Variants in SHISA6 observed in about 807,000 individuals in gnomAD.
SHISA6 encodes protein shisa-6.
SHISA6 carries 22 observed loss-of-function variants against 47.9 expected under a neutral mutation model. That is an observed-to-expected ratio of 0.46 (90% CI 0.33 to 0.66). The LOEUF is 0.66. SHISA6 is among the 30% of genes least tolerant of loss of function. The pLI, the probability that SHISA6 is intolerant of heterozygous loss-of-function variation, is 0.02. For missense variants in SHISA6, 680 were observed against 764.6 expected (o/e 0.89, Z 1.30); for synonymous variants, 388 against 337.8 (o/e 1.15, Z -1.63).
In SHISA6 at chr17:11,409,985, A is replaced by G. The variant is rs75101165; in HGVS notation, c.895+30476A>G. Among the ~76,000 whole-genome samples the G allele has an allele frequency of 9.5e-4, 145 of 152,296 alleles. No individual in the cohort carries two copies. In the East Asian group the frequency reaches 0.027, roughly 29 times the overall value. The stretch of plus-strand genomic sequence containing the variant: ...AAGGTTATATGGAGATGAAAAGAAA[A>G]TGGTAAGAGTCATAGGCTCACAGAA... On this transcript the variant is annotated intron_variant, in intron 3 of 5. Coordinates refer to ENST00000441885, the MANE Select transcript of SHISA6 (RefSeq NM_207386.4).
At chr17:11,440,199 T>G (rs1198802823) in intron 3 of SHISA6, among the ~76,000 whole-genome samples, 1 of 152,176 alleles carries the variant, frequency 6.6e-6, no homozygotes, top group Admixed American at 6.5e-5. Flanking sequence ...TGTTAGAGGC[T>G]GTGGGAAATG....
At chr17:11,374,148 A>C (rs76836912) in intron 2 of SHISA6, among the ~76,000 whole-genome samples, 4 of 152,028 alleles carry the variant, frequency 2.6e-5, no homozygotes, top group Non-Finnish European at 4.4e-5. Flanking sequence ...TACTTGTGAG[A>C]TTGAACACTA....
chr17:11,314,234 G>A (rs985804783), intron 2 of SHISA6, among the ~76,000 whole-genome samples: 5 of 152,094 alleles, frequency 3.3e-5, no homozygotes, highest in Admixed American at 2.0e-4. Flanking sequence ...ATGATTCAAA[G>A]TATTAACATT....
chr17:11,473,294 T>C (rs1316703155), intron 3 of SHISA6, among the ~76,000 whole-genome samples: 1 of 152,168 alleles, frequency 6.6e-6, no homozygotes, highest in East Asian at 1.9e-4. Context: ...GGACTTTACA[T>C]TTAGGTTATA....
intron 3 of SHISA6, among the ~76,000 whole-genome samples, chr17:11,435,878 T>G (rs1914922695): frequency 6.6e-6 from 1 of 152,230 alleles, no homozygotes; most frequent in African/African-American, 2.4e-5. Context: ...GCACCATCGC[T>G]TTACCTGATG....
At chr17:11,411,233 G>T (rs2142272625) in intron 3 of SHISA6, among the ~76,000 whole-genome samples, 1 of 152,260 alleles carries the variant, frequency 6.6e-6, no homozygotes, top group South Asian at 2.1e-4. Flanking sequence ...CTCCCAAAGT[G>T]CTGGGATTAC....
At chr17:11,436,821 G>T (rs1447056096) in intron 3 of SHISA6, among the ~76,000 whole-genome samples, 2 of 152,202 alleles carry the variant, frequency 1.3e-5, no homozygotes, top group African/African-American at 4.8e-5. Flanking sequence ...GCCTAATAGA[G>T]TGGTAAAATT....
rs1467239197 is a variant in SHISA6 at position 11,288,859 on chromosome 17, C to T, written c.799+25333C>T. 4 of 152,234 alleles carry T rather than the reference C, an allele frequency of 2.6e-5. No individual in the cohort carries two copies. In the East Asian group the frequency reaches 7.7e-4, roughly 29 times the overall value. The allele number at this position is 152,234 out of a possible 1,614,324, so 9.4% of individuals were successfully genotyped here. The stretch of plus-strand genomic sequence containing the variant: ...TTTCTTGTTTAACTGCACTGGCTGA[C>T]CCGAAATGAGGCTAAATGATACTGA... On this transcript the variant is annotated intron_variant, in intron 2 of 5. Transcript: ENST00000441885.
Position 11,546,227 on chromosome 17 carries a change from G to A in SHISA6, c.896-5669G>A, listed in dbSNP as rs536525902. Reference sequence around the variant, plus strand: ...AGACACCAAAACTCTCTCTTATAATGATTTCTAATTTCTGGAGTAGGGACT... The same window carrying A: ...AGACACCAAAACTCTCTCTTATAATAATTTCTAATTTCTGGAGTAGGGACT... On this transcript the variant is annotated intron_variant, in intron 3 of 5. Transcript: ENST00000441885. Among the ~76,000 whole-genome samples, 37 of 152,254 alleles carry A rather than the reference G, an allele frequency of 2.4e-4. 1 individual carries two copies. The highest frequency in any genetic ancestry group is 3.4e-3 in the Middle Eastern group (1 of 294).
rs189951173 is a variant in SHISA6 at position 11,382,316 on chromosome 17, T to C, written c.895+2807T>C. Among the ~76,000 whole-genome samples the C allele has an allele frequency of 2.9e-4, 44 of 152,284 alleles. No individual in the cohort carries two copies. The East Asian group carries it at 7.7e-3, about 27-fold the overall frequency. On this transcript the variant is annotated intron_variant, in intron 3 of 5. Coordinates refer to ENST00000441885, the MANE Select transcript of SHISA6 (RefSeq NM_207386.4). ...CTGGTCTCAAACTCCTGGCCTCAAG[T>C]GATCCTTCCACCTTCCCCTCCCAAA...
chr17:11,398,705 G>A (rs941231310), intron 3 of SHISA6, among the ~76,000 whole-genome samples: 2 of 151,936 alleles, frequency 1.3e-5, no homozygotes, highest in Non-Finnish European at 2.9e-5. Flanking sequence ...CAAATCTCCT[G>A]CCTCAGCCTC....
At chr17:11,243,216 C>T (rs1479653704) in intron 1 of SHISA6, among the ~76,000 whole-genome samples, 2 of 151,670 alleles carry the variant, frequency 1.3e-5, no homozygotes, top group Admixed American at 6.6e-5. Context: ...AACCGCCTTC[C>T]TCGCTGCTGT....
chr17:11,435,369 TA>T (rs1238896576), intron 3 of SHISA6, among the ~76,000 whole-genome samples: 1 of 152,030 alleles, frequency 6.6e-6, no homozygotes, highest in Non-Finnish European at 1.5e-5. Context: ...CACCTCAAAA[TA>T]AAATACTATG....
At chr17:11,416,108 A>C (rs1050862963) in intron 3 of SHISA6, among the ~76,000 whole-genome samples, 1 of 152,066 alleles carries the variant, frequency 6.6e-6, no homozygotes, top group African/African-American at 2.4e-5. Flanking sequence ...TTCATGACTT[A>C]ATTATGTCTC....
chr17:11,323,423 G>A (rs2142197921), intron 2 of SHISA6, among the ~76,000 whole-genome samples: 1 of 152,208 alleles, frequency 6.6e-6, no homozygotes, highest in Non-Finnish European at 1.5e-5. Context: ...GGGAGGCCGA[G>A]GCGGGTGGAT....
intron 3 of SHISA6, among the ~76,000 whole-genome samples, chr17:11,468,297 T>C (rs1915858376): frequency 6.6e-6 from 1 of 152,042 alleles, no homozygotes; most frequent in African/African-American, 2.4e-5. Context: ...ACTGTAGCCA[T>C]GCTCTAAGAT....
intron 2 of SHISA6, among the ~76,000 whole-genome samples, chr17:11,340,034 T>C (rs974360094): frequency 2.0e-5 from 3 of 152,228 alleles, no homozygotes; most frequent in African/African-American, 4.8e-5. Context: ...GCCAAGCTGC[T>C]TAAGCAATGA....
intron 3 of SHISA6, among the ~76,000 whole-genome samples, chr17:11,444,208 ACTC>A (rs1915171502): frequency 6.6e-6 from 1 of 152,118 alleles, no homozygotes; most frequent in African/African-American, 2.4e-5. Context: ...AGTCCCCACT[ACTC>A]AGGAGGCTGA....
At chr17:11,250,985 C>CTCCCATCA (rs1375677966) in intron 1 of SHISA6, among the ~76,000 whole-genome samples, 3 of 152,112 alleles carry the variant, frequency 2.0e-5, no homozygotes, top group Non-Finnish European at 2.9e-5. Flanking sequence ...TCGCTGCATC[C>CTCCCATCA]TCCCATCATC....
Sources: gnomAD v4.1 joint callset for allele counts (sites outside exome capture counted in the v4.1 genomes callset) on GRCh38, gnomAD v4.1.1 for gene constraint, MANE v1.5 for transcripts, NCBI Gene and HGNC (gene_info 2026-07-23, HGNC 2026-07-21) for gene names.